The following STAG2 variants were observed in gnomAD, a reference collection of about 807,000 sequenced individuals.
The protein encoded by STAG2 is STAG2 cohesin complex component.
Under a neutral mutation model 108.1 loss-of-function variants are expected in STAG2, and 14 were observed. The observed-to-expected ratio is 0.13, with a 90% confidence interval of 0.09 to 0.20. STAG2 has a LOEUF of 0.20. STAG2 is among the 10% of genes least tolerant of loss of function. STAG2 has a pLI of 1.00. For synonymous variants in STAG2, 307 were observed against 302.7 expected, an observed-to-expected ratio of 1.01 and a Z score of -0.15; for missense variants, 440 against 940.9, an observed-to-expected ratio of 0.47 and a Z score of 6.96.
At chrX:124,050,530 A>C (rs770264136) in intron 11 of STAG2, among the ~76,000 whole-genome samples, 9 of 111,332 alleles carry the variant, frequency 8.1e-5, no homozygotes, top group Non-Finnish European at 1.5e-4. Flanking sequence ...ATGGTGAATC[A>C]TTTTTTTGCT....
At chrX:124,100,281 A>G (rs1168043641) in intron 34 of STAG2, among the ~76,000 whole-genome samples, 1 of 111,395 alleles carries the variant, frequency 9.0e-6, no homozygotes, top group Non-Finnish European at 1.9e-5. Flanking sequence ...TTGAGTGCCT[A>G]TGTTTAGGGT....
intron 1 of STAG2, among the ~76,000 whole-genome samples, chrX:123,996,748 T>C (rs778481968): frequency 8.9e-6 from 1 of 112,210 alleles, no homozygotes; most frequent in African/African-American, 3.2e-5. Context: ...TATTACTGAG[T>C]AGTATTCCAT....
intron 13 of STAG2, 63 bp downstream of exon 13, chrX:124,051,457 A>G (rs2058035875): frequency 1.1e-6 from 1 of 931,549 alleles, no homozygotes; most frequent in African/African-American, 2.0e-5. Flanking sequence ...ATATTAGAGT[A>G]TTTGGTTCAG....
chrX:124,075,569 C>T (rs1019983488), intron 25 of STAG2, among the ~76,000 whole-genome samples: 13 of 111,553 alleles, frequency 1.2e-4, no homozygotes, highest in East Asian at 2.8e-4. Context: ...CCACCACACC[C>T]GGCCTGGGAT....
At chrX:124,073,853 T>G (rs1330353908) in intron 25 of STAG2, among the ~76,000 whole-genome samples, 2 of 111,811 alleles carry the variant, frequency 1.8e-5, no homozygotes, top group South Asian at 3.7e-4. Flanking sequence ...TTTAAAGAAA[T>G]AAAAGCACAG....
At position 124,042,848 on chromosome X, in the gene STAG2, C is replaced by T. The variant is rs760020964; in HGVS notation, c.462+203C>T. Among the ~76,000 whole-genome samples the T allele has an allele frequency of 2.8e-5, 3 of 108,474 alleles. No individual in the cohort carries two copies. In the South Asian group the frequency reaches 1.2e-3, roughly 45 times the overall value. The allele number at this position is 108,474 out of a possible 115,157, so 94.2% of individuals were successfully genotyped here. On this transcript the variant is annotated intron_variant, in intron 7 of 34. Transcript: ENST00000371145. ...CCAATATGGTGAAACCCTGTCTCTGCTAAAAATACAAAAAAAATTAGCCGG... is the reference window on the plus strand; with the variant it reads ...CCAATATGGTGAAACCCTGTCTCTGTTAAAAATACAAAAAAAATTAGCCGG...
chrX:124,001,347 C>T (rs944941097), intron 1 of STAG2, among the ~76,000 whole-genome samples: 3 of 111,722 alleles, frequency 2.7e-5, no homozygotes, highest in Non-Finnish European at 5.6e-5. Context: ...GCCTCGGCCT[C>T]CCAAAGTGCT....
intron 3 of STAG2, among the ~76,000 whole-genome samples, chrX:124,023,042 C>T (rs1429604806): frequency 8.9e-6 from 1 of 112,347 alleles, no homozygotes; most frequent in Non-Finnish European, 1.9e-5. Context: ...GATGTAATGT[C>T]AGATTTCTGT....
intron 14 of STAG2, among the ~76,000 whole-genome samples, chrX:124,056,661 AG>A (rs2058207959): frequency 1.1e-5 from 1 of 90,600 alleles, no homozygotes; most frequent in Non-Finnish European, 2.1e-5. Flanking sequence ...TGAACTCGGG[AG>A]GCGGAGCTTG....
At chrX:124,028,795 TA>T (rs1221501046) in intron 4 of STAG2, among the ~76,000 whole-genome samples, 13 of 3,815 alleles carry the variant, frequency 3.4e-3, no homozygotes, top group Admixed American at 0.012. Context: ...AAGAATAGTT[TA>T]TATATATATA....
chrX:124,075,080 A>G (rs1381493766), intron 25 of STAG2, among the ~76,000 whole-genome samples: 1 of 111,916 alleles, frequency 8.9e-6, no homozygotes, highest in Non-Finnish European at 1.9e-5. Context: ...TTAGTTTACT[A>G]GAAGTTATCA....
chrX:124,040,732 C>CCAGGTATA (rs1180170909), intron 6 of STAG2, among the ~76,000 whole-genome samples: 1 of 109,057 alleles, frequency 9.2e-6, no homozygotes, highest in African/African-American at 3.3e-5. Context: ...TCTAGCATTC[C>CCAGGTATA]CAGGTATACA....
chrX:124,078,200 T>C (rs1418082266), intron 27 of STAG2, 142 bp downstream of exon 27: 1 of 436,929 alleles, frequency 2.3e-6, no homozygotes, highest in Non-Finnish European at 3.8e-6. Context: ...TGAGATTATT[T>C]TTTTGCTTTC....
intron 15 of STAG2, among the ~76,000 whole-genome samples, chrX:124,059,796 G>C (rs2058326861): frequency 9.0e-6 from 1 of 110,793 alleles, no homozygotes; most frequent in South Asian, 3.8e-4. Context: ...TAGTAGCTCC[G>C]ACTACAACTT....
intron 27 of STAG2, among the ~76,000 whole-genome samples, chrX:124,080,521 CTA>C (rs898027021): frequency 2.7e-5 from 3 of 110,747 alleles, no homozygotes; most frequent in African/African-American, 9.9e-5. Context: ...AACCCCATCT[CTA>C]CTACAAATAC....
intron 1 of STAG2, among the ~76,000 whole-genome samples, chrX:123,964,636 T>A (rs1456767283): frequency 9.0e-6 from 1 of 110,796 alleles, no homozygotes; most frequent in African/African-American, 3.3e-5. Flanking sequence ...AAAAGAAATG[T>A]ACTTATTAGC....
At chrX:123,986,671 G>A (rs889966615) in intron 1 of STAG2, among the ~76,000 whole-genome samples, 3 of 111,437 alleles carry the variant, frequency 2.7e-5, no homozygotes, top group Non-Finnish European at 5.7e-5. Context: ...GAATGTGCTC[G>A]ATAATGTTAC....
intron 13 of STAG2, among the ~76,000 whole-genome samples, chrX:124,054,835 C>T (rs1227102726): frequency 9.0e-6 from 1 of 111,628 alleles, no homozygotes; most frequent in African/African-American, 3.3e-5. Flanking sequence ...TGGCTCACTC[C>T]AGCCTCGCCC....
At chrX:124,005,281 A>T (rs1208179241) in intron 1 of STAG2, among the ~76,000 whole-genome samples, 3 of 111,895 alleles carry the variant, frequency 2.7e-5, no homozygotes, top group Admixed American at 9.5e-5. Flanking sequence ...TGCTAGTTAT[A>T]CATGGACTCA....
Sources: gnomAD v4.1 joint callset for allele counts (sites outside exome capture counted in the v4.1 genomes callset) on GRCh38, gnomAD v4.1.1 for gene constraint, MANE v1.5 for transcripts, NCBI Gene and HGNC (gene_info 2026-07-23, HGNC 2026-07-21) for gene names.